Variants in RBBP8 observed in about 807,000 individuals in gnomAD.
RBBP8 encodes the protein DNA endonuclease RBBP8.
Under a neutral mutation model 108.3 loss-of-function variants are expected in RBBP8, and 88 were observed. That is an observed-to-expected ratio of 0.81 (90% confidence interval 0.68 to 0.97). RBBP8 has a LOEUF of 0.97. Ranked by LOEUF, RBBP8 falls within the 50% of genes least tolerant of loss-of-function variation. RBBP8 has a pLI of 0.00. For missense variants in RBBP8, 1,023 were observed against 1,049.0 expected, an observed-to-expected ratio of 0.98 and a Z score of 0.34; for synonymous variants, 332 against 348.2, an observed-to-expected ratio of 0.95 and a Z score of 0.52.
At chr18:22,932,626 G>T (rs1263919557), upstream of RBBP8, among the ~76,000 whole-genome samples, 1 of 152,136 alleles carries the variant, frequency 6.6e-6, no homozygotes, top group Non-Finnish European at 1.5e-5. Context: ...TGGTTTAAAA[G>T]ATATTTGATT....
chr18:23,013,650 G>A (rs1029570276), intron 16 of RBBP8, among the ~76,000 whole-genome samples: 1 of 152,178 alleles, frequency 6.6e-6, no homozygotes, highest in African/African-American at 2.4e-5. Flanking sequence ...CAAGAAGGAG[G>A]AGTTAGTTTT....
At chr18:22,918,380 T>C (rs1361550454) in intron 3 of RBBP8, among the ~76,000 whole-genome samples, 1 of 152,240 alleles carries the variant, frequency 6.6e-6, no homozygotes, top group African/African-American at 2.4e-5. Context: ...GTATGTCTTA[T>C]TGCTTCCAGG....
intron 6 of RBBP8, among the ~76,000 whole-genome samples, chr18:22,978,305 G>C (rs900193523): frequency 6.6e-6 from 1 of 152,216 alleles, no homozygotes; most frequent in Non-Finnish European, 1.5e-5. Context: ...AGAAGGAAAA[G>C]TGAAAGGAGG....
chr18:22,966,586 A>AT (rs1913606331), intron 4 of RBBP8, among the ~76,000 whole-genome samples: 1 of 57,876 alleles, frequency 1.7e-5, no homozygotes, highest in African/African-American at 5.5e-5. Flanking sequence ...AAAAAAAAAA[A>AT]AAAAAAGTCT....
chr18:22,975,272 A>G lies in RBBP8; in HGVS notation c.428+53A>G, dbSNP rs561657212. On this transcript the variant is annotated intron_variant, in intron 6 of 18. Transcript: ENST00000327155. The stretch of plus-strand genomic sequence containing the variant: ...TTTATTTTATTTAGCTATACAAACC[A>G]TGAAGATAACTGTAAGAGTTGCAGA... 84 of 1,595,306 alleles carry G rather than the reference A, an allele frequency of 5.3e-5. 1 individual carries two copies. In the South Asian group the frequency reaches 8.5e-4, roughly 16 times the overall value.
intron 15 of RBBP8, among the ~76,000 whole-genome samples, chr18:23,002,259 T>G (rs2144747426): frequency 6.6e-6 from 1 of 152,106 alleles, no homozygotes; most frequent in Non-Finnish European, 1.5e-5. Context: ...TCTACAAAAA[T>G]TAGCTCGGCA....
chr18:23,018,532 T>C (rs1473724521), intron 17 of RBBP8, among the ~76,000 whole-genome samples: 3 of 152,236 alleles, frequency 2.0e-5, no homozygotes, highest in Non-Finnish European at 4.4e-5. Flanking sequence ...AAGTCTCTGA[T>C]ATAAAATGGC....
intron 8 of RBBP8, among the ~76,000 whole-genome samples, chr18:22,987,557 G>A (rs1915413194): frequency 6.6e-6 from 1 of 152,030 alleles, no homozygotes; most frequent in Admixed American, 6.6e-5. Context: ...AGGCTCAAGT[G>A]ATCCTCCCAC....
intron 6 of RBBP8, among the ~76,000 whole-genome samples, chr18:22,981,094 C>T (rs1390029663): frequency 6.7e-6 from 1 of 149,134 alleles, no homozygotes; most frequent in Non-Finnish European, 1.5e-5. Flanking sequence ...GCCTCAGTCT[C>T]CCGGGAGCTG....
At chr18:22,924,127 G>GGTT (rs1555630311) in intron 3 of RBBP8, among the ~76,000 whole-genome samples, 3 of 108,228 alleles carry the variant, frequency 2.8e-5, no homozygotes, top group Non-Finnish European at 5.3e-5. Context: ...TTTGTTTTTG[G>GGTT]TTTTTTTTTT....
chr18:22,980,462 C>A (rs946748997), intron 6 of RBBP8, among the ~76,000 whole-genome samples: 1 of 152,054 alleles, frequency 6.6e-6, no homozygotes, highest in Non-Finnish European at 1.5e-5. Flanking sequence ...GCATTCCAAG[C>A]AGGTGGAACA....
Position 22,949,719 on chromosome 18 carries a change from T to G in RBBP8, c.248+6T>G. On this transcript the variant is annotated splice_donor_region_variant and intron_variant, in intron 4 of 18. Coordinates refer to ENST00000327155, the MANE Select transcript of RBBP8 (RefSeq NM_002894.3). Reference sequence around the variant, plus strand: ...ATTAAAGTTTTAGAAGATCGGTGAGTCTGGCACTTAGGTCTTGAGTAAGAA... The same window carrying G: ...ATTAAAGTTTTAGAAGATCGGTGAGGCTGGCACTTAGGTCTTGAGTAAGAA... 6 of 1,589,122 alleles carry G rather than the reference T, an allele frequency of 3.8e-6. No individual in the cohort carries two copies. The highest frequency in any genetic ancestry group is 5.2e-6 in the Non-Finnish European group (6 of 1,157,476).
chr18:23,010,772 T>G (rs183185325), intron 16 of RBBP8, among the ~76,000 whole-genome samples: 2 of 152,220 alleles, frequency 1.3e-5, no homozygotes, highest in East Asian at 3.9e-4. Context: ...CAGAGTTACA[T>G]TGTTGCTTTT....
intron 8 of RBBP8, among the ~76,000 whole-genome samples, chr18:22,985,260 CTG>C (rs1171601990): frequency 6.6e-6 from 1 of 152,094 alleles, no homozygotes; most frequent in African/African-American, 2.4e-5. Context: ...ATTGAAGCAT[CTG>C]TTGTATACCA....
chr18:23,019,918 C>A (rs1321436606), intron 17 of RBBP8, among the ~76,000 whole-genome samples: 16 of 151,694 alleles, frequency 1.1e-4, no homozygotes, highest in Non-Finnish European at 1.6e-4. Context: ...CCTGCCACCA[C>A]GCCTGGCTAA....
At chr18:23,012,631 G>C (rs1053430656) in intron 16 of RBBP8, among the ~76,000 whole-genome samples, 1 of 152,212 alleles carries the variant, frequency 6.6e-6, no homozygotes, top group Admixed American at 6.6e-5. Context: ...GGTTCATGAG[G>C]TTTAAGGAAA....
chr18:22,977,098 T>G (rs1005645651), intron 6 of RBBP8, among the ~76,000 whole-genome samples: 2 of 152,090 alleles, frequency 1.3e-5, no homozygotes, highest in African/African-American at 4.8e-5. Flanking sequence ...ATGATCTGAT[T>G]GTGTCTTTTA....
intron 1 of RBBP8, among the ~76,000 whole-genome samples, chr18:22,936,372 G>A (rs1395996989): frequency 6.6e-6 from 1 of 152,134 alleles, no homozygotes. Flanking sequence ...AAAGAGCTAG[G>A]ATTACAGGCA....
intron 2 of RBBP8, among the ~76,000 whole-genome samples, chr18:22,943,894 A>G (rs1163326442): frequency 6.6e-6 from 1 of 152,226 alleles, no homozygotes; most frequent in African/African-American, 2.4e-5. Context: ...GTGTATTACA[A>G]TATACAGGCC....
Sources: allele counts gnomAD v4.1 joint callset (sites outside exome capture counted in the v4.1 genomes callset), GRCh38; gene constraint gnomAD v4.1.1; transcripts MANE v1.5; gene names NCBI Gene and HGNC (gene_info 2026-07-23, HGNC 2026-07-21).